Variants in LEMD2 observed in about 807,000 individuals in gnomAD.
The protein encoded by LEMD2 is LEM domain-containing protein 2.
In LEMD2, 34 loss-of-function variants were observed where a neutral mutation model predicts 58.8. The ratio of observed to expected loss-of-function variants is 0.58; its 90% CI spans 0.44 to 0.77. LEMD2 has a LOEUF of 0.77. Among genes scored for constraint, LEMD2 ranks in the 30% least tolerant of loss-of-function variants. The probability of loss-of-function intolerance (pLI) is 0.00; values close to 1 mark genes in which losing one functional copy is unlikely to be tolerated. For synonymous variants in LEMD2, 298 were observed against 308.9 expected, an observed-to-expected ratio of 0.96 and a Z score of 0.37; for missense variants, 629 against 717.9, an observed-to-expected ratio of 0.88 and a Z score of 1.42.
chr6:33,777,704 G>T (rs774877385), intron 6 of LEMD2, among the ~76,000 whole-genome samples: 2 of 152,238 alleles, frequency 1.3e-5, no homozygotes, highest in Non-Finnish European at 2.9e-5. Context: ...CGTGGTTTCT[G>T]TGACTTGGCC....
Position 33,788,518 on chromosome 6 carries a change from G to A in LEMD2, c.599C>T (p.Pro200Leu), listed in dbSNP as rs1287570156. ...AGPAGAARAR[P>L]EVGRRLERWL... The stretch of plus-strand genomic sequence containing the variant: ...GCGCTCCAGCCGGCGCCCCACCTCA[G>A]GCCGGGCCCTCGCCGCGCCAGCAGG... Residue 200 changes from proline to leucine, a missense_variant, in exon 1 of 9, where the codon CCT becomes CTT. Pro to Leu is a moderately conservative substitution (Grantham distance 98). This residue lies in a region of LEMD2 where 386 missense variants were observed against 381.1 expected (regional missense o/e 1.01). Transcript: ENST00000293760. 6.6e-7 allele frequency: 1 copy of A among 1,518,540 alleles called. No homozygotes were observed. Among genetic ancestry groups the A allele is most frequent in the Non-Finnish European group, 8.8e-7 (1 of 1,133,270 alleles). The allele number at this position is 1,518,540 out of a possible 1,614,324, so 94.1% of individuals were successfully genotyped here. A position where few individuals can be genotyped will look rare whatever the true frequency, so the allele number is the denominator to read the frequency against.
chr6:33,777,102 C>T lies in LEMD2; in HGVS notation c.1258+36G>A, dbSNP rs371838619. 25 of 1,610,134 alleles carry T rather than the reference C, an allele frequency of 1.6e-5. No homozygotes were observed. The African/African-American group carries it at 2.0e-4, about 13-fold the overall frequency. ...TTTAGGGCAAGGACCCTCTGGCTGG[C>T]GTCGGCAACCCTTTATTCACCAGGG... On this transcript the variant is annotated intron_variant, in intron 7 of 8. Transcript: ENST00000293760.
chr6:33,784,302 C>G (rs756299555), intron 3 of LEMD2, 50 bp downstream of exon 3: 11 of 1,415,172 alleles, frequency 7.8e-6, no homozygotes, highest in Non-Finnish European at 1.1e-5. Flanking sequence ...CCGGGTCAGC[C>G]GCCCATAGCT....
In LEMD2 at chr6:33,786,800, G is replaced by A. The variant is rs78434310; in HGVS notation, c.737-26C>T. The A allele has an allele frequency of 9.8e-5, 158 of 1,612,946 alleles. No homozygotes were observed. In the African/African-American group the frequency reaches 1.8e-3, roughly 19 times the overall value. ...CTGAGACCAAGAAAAGAAACACAGA[G>A]GAAATTAAGTGTGGGTTGAGAAAGG... On this transcript the variant is annotated intron_variant, in intron 1 of 8. Transcript: ENST00000293760.
intron 5 of LEMD2, chr6:33,779,465 A>C (rs1369331885): frequency 1.3e-5 from 2 of 151,084 alleles, no homozygotes; most frequent in African/African-American, 4.9e-5. Context: ...ACAAACACCG[A>C]GAGTGGGAAG....
In LEMD2 at chr6:33,772,015, G is replaced by A. The variant is rs1767309607; in HGVS notation, c.*613C>T. On this transcript the variant is annotated 3_prime_UTR_variant, in exon 9 of 9. Transcript: ENST00000293760. ...TACTTCGGGATCCTCCCAGGAGGCT[G>A]TGCCGGCTGCTCACTCCTCCTGACC... The A allele has an allele frequency of 6.5e-6, 1 of 152,774 alleles. No individual in the cohort carries two copies. The highest frequency in any genetic ancestry group is 1.5e-5 in the Non-Finnish European group (1 of 68,230). 9.5% of individuals were successfully genotyped at this position (152,774 alleles called of 1,614,324 possible).
intron 3 of LEMD2, chr6:33,781,986 T>C (rs921274231): frequency 9.8e-5 from 15 of 152,360 alleles, no homozygotes; most frequent in Non-Finnish European, 1.8e-4. Flanking sequence ...AGTGAGTGTG[T>C]TTCTGCATGC....
Position 33,781,060 on chromosome 6 carries a change from C to A in LEMD2, c.930+17G>T, listed in dbSNP as rs781136068. 1.3e-6 allele frequency: 2 copies of A among 1,576,684 alleles called. No individual in the cohort carries two copies. Among genetic ancestry groups the A allele is most frequent in the Non-Finnish European group, 8.7e-7 (1 of 1,146,682 alleles). ...CCAGGCCCTCCCAGGAATGTATAAGCACTGAAGCCTACTTACGGCTATATA... is the reference window on the plus strand; with the variant it reads ...CCAGGCCCTCCCAGGAATGTATAAGAACTGAAGCCTACTTACGGCTATATA... On this transcript the variant is annotated intron_variant, in intron 4 of 8. Coordinates refer to ENST00000293760, the MANE Select transcript of LEMD2 (RefSeq NM_181336.4).
chr6:33,780,339 T>C lies in LEMD2; in HGVS notation c.931-160A>G, dbSNP rs554501263. 1.1e-4 allele frequency: 78 copies of C among 681,984 alleles called. No individual in the cohort carries two copies. The African/African-American group carries it at 1.1e-3, about 10-fold the overall frequency. 42.2% of individuals were successfully genotyped at this position (681,984 alleles called of 1,614,324 possible). ...AAAGTGGCAGGAAGGAAATCGGGGG[T>C]TGATGAAAGCCAAGGAAGAGGCTAT... is the stretch of plus-strand genomic sequence containing the variant. On this transcript the variant is annotated intron_variant, in intron 4 of 8. Coordinates refer to ENST00000293760, the MANE Select transcript of LEMD2 (RefSeq NM_181336.4).
At chr6:33,777,931 C>G (rs1370999860) in intron 6 of LEMD2, among the ~76,000 whole-genome samples, 1 of 152,230 alleles carries the variant, frequency 6.6e-6, no homozygotes. Context: ...ACTGGGATCC[C>G]TGCAGAGCCC....
In LEMD2 at chr6:33,789,028, A is replaced by G. The variant is rs754016545; in HGVS notation, c.89T>C (p.Val30Ala). Residue 30 changes from valine to alanine, a missense_variant, in exon 1 of 9, where the codon GTC (valine) becomes GCC (alanine). Val to Ala is a moderately conservative substitution (Grantham distance 64). Coordinates refer to ENST00000293760, the MANE Select transcript of LEMD2 (RefSeq NM_181336.4). ...PGPITDTTRDVYRNKLRRLRG... is the reference protein window; with the variant it reads ...PGPITDTTRDAYRNKLRRLRG... Reference sequence around the variant, plus strand: ...CAGGCGGCGCAGCTTGTTGCGGTAGACATCCCGGGTGGTGTCGGTGATGGG... The same window carrying G: ...CAGGCGGCGCAGCTTGTTGCGGTAGGCATCCCGGGTGGTGTCGGTGATGGG... The G allele has an allele frequency of 5.1e-6, 8 of 1,557,222 alleles. No homozygotes were observed. Among genetic ancestry groups the G allele is most frequent in the East Asian group, 5.2e-5 (2 of 38,114 alleles).
chr6:33,778,209 A>C lies in LEMD2; in HGVS notation c.1156+33T>G, dbSNP rs1582255256. ...CATGCCTAGGAGTATGCTTGACTGC[A>C]CAGAAGGGGAGGGAAGGCGGCCGAG... is the stretch of plus-strand genomic sequence containing the variant. On this transcript the variant is annotated intron_variant, in intron 6 of 8. Transcript: ENST00000293760. The surrounding 1 kb of genome is among the most constrained non-coding windows in gnomAD (Gnocchi z 4.7). 6.4e-7 allele frequency: 1 copy of C among 1,551,138 alleles called. No individual in the cohort carries two copies. The highest frequency in any genetic ancestry group is 1.9e-5 in the Admixed American group (1 of 53,004).
intron 1 of LEMD2, 106 bp downstream of exon 1, chr6:33,788,275 A>T: frequency 8.5e-7 from 1 of 1,178,934 alleles, no homozygotes; most frequent in South Asian, 1.6e-5. Context: ...AGTCAGAGGC[A>T]GCTGACAAGG....
intron 3 of LEMD2, 67 bp downstream of exon 3, chr6:33,784,285 T>G (rs1187636695): frequency 7.2e-6 from 9 of 1,252,862 alleles, no homozygotes; most frequent in Non-Finnish European, 1.1e-5. Flanking sequence ...TAACTAAGCC[T>G]GATGAACCGG....
intron 4 of LEMD2, 69 bp downstream of exon 4, chr6:33,781,008 A>G: frequency 9.4e-7 from 1 of 1,067,328 alleles, no homozygotes; most frequent in Non-Finnish European, 1.4e-6. Context: ...AAACCCCAAC[A>G]GGGCTTGAAA....
intron 2 of LEMD2, 50 bp from the exon 3 acceptor site, chr6:33,784,477 G>GGGGGGCCCCCCCCC: frequency 2.3e-6 from 1 of 430,798 alleles, no homozygotes; most frequent in Non-Finnish European, 4.8e-6. Context: ...GGTGGGAGGG[G>GGGGGGCCCCCCCCC]TCCGTCTGTC....
In LEMD2 at chr6:33,777,169, T is replaced by C; in HGVS notation, c.1227A>G (p.Gln409=). 6.2e-7 allele frequency: 1 copy of C among 1,614,196 alleles called. No homozygotes were observed. The highest frequency in any genetic ancestry group is 8.5e-7 in the Non-Finnish European group (1 of 1,180,016). The part of the protein sequence containing the change: ...YRWRKLEEEE[Q]AMYEMVKKII... ...TCTTCTTCACCATCTCATACATGGC[T>C]TGTTCCTCCTCTTCTAACTTTCGCC... is the stretch of plus-strand genomic sequence containing the variant. Residue 409 remains glutamine (Q), a synonymous_variant, in exon 7 of 9, where the codon CAA becomes CAG. Transcript: ENST00000293760.
Position 33,788,606 on chromosome 6 carries a change from G to A in LEMD2, c.511C>T (p.Arg171Trp). ...RWWAASPAPA[R>W]LPSSLLGPDP... ...GGACCGAGGAGGGAGGAAGGCAGCCGCGCCGGGGCGGGAGACGCTGCCCAC... is the reference window on the plus strand; with the variant it reads ...GGACCGAGGAGGGAGGAAGGCAGCCACGCCGGGGCGGGAGACGCTGCCCAC... The change falls in exon 1 of 9, where the codon CGG becomes TGG. Residue 171 changes from arginine (R) to tryptophan (W), a missense_variant. Transcript: ENST00000293760. 1 of 1,276,548 alleles carries A rather than the reference G, an allele frequency of 7.8e-7. No homozygotes were observed. Among genetic ancestry groups the A allele is most frequent in the Non-Finnish European group, 9.8e-7 (1 of 1,015,240 alleles). The allele number at this position is 1,276,548 out of a possible 1,614,324, so 79.1% of individuals were successfully genotyped here.
Position 33,788,664 on chromosome 6 carries a change from G to T in LEMD2, c.453C>A (p.Ala151=). Residue 151 remains alanine (A), a synonymous_variant, in exon 1 of 9, where the codon GCC becomes GCA. Coordinates refer to ENST00000293760, the MANE Select transcript of LEMD2 (RefSeq NM_181336.4). ...EDEDARTPDR[A]TQGPGLAARR... ...GGGCCGCGAGACCCGGGCCCTGCGT[G>T]GCCCTGTCGGGCGTCCGGGCGTCCT... is the stretch of plus-strand genomic sequence containing the variant. 2 of 1,315,938 alleles carry T rather than the reference G, an allele frequency of 1.5e-6. No homozygotes were observed. Among genetic ancestry groups the T allele is most frequent in the South Asian group, 2.1e-5 (1 of 48,554 alleles). The allele number at this position is 1,315,938 out of a possible 1,614,324, so 81.5% of individuals were successfully genotyped here.
Sources: allele counts gnomAD v4.1 joint callset (sites outside exome capture counted in the v4.1 genomes callset), GRCh38; gene constraint gnomAD v4.1.1; regional missense constraint gnomAD v4.1.1; non-coding constraint Gnocchi (gnomAD v3.1); transcripts MANE v1.5; gene names NCBI Gene and HGNC (gene_info 2026-07-23, HGNC 2026-07-21).